Variants in PDRG1 observed in about 807,000 individuals in gnomAD.
The protein encoded by PDRG1 is p53 and DNA damage-regulated protein 1.
Under a neutral mutation model 18.4 loss-of-function variants are expected in PDRG1, and 14 were observed. That is an observed-to-expected ratio of 0.76 (90% confidence interval 0.50 to 1.19). The LOEUF (loss-of-function observed/expected upper bound fraction) is 1.19, where lower values mean the gene tolerates loss of function less well. PDRG1 is among the 50% of genes most tolerant of loss of function. PDRG1 has a pLI of 0.00. For synonymous variants in PDRG1, 65 were observed against 60.9 expected, an observed-to-expected ratio of 1.07 and a Z score of -0.31; for missense variants, 177 against 160.1, an observed-to-expected ratio of 1.11 and a Z score of -0.57.
chr20:31,947,819 G>A (rs1286836591), intron 3 of PDRG1, among the ~76,000 whole-genome samples: 4 of 152,080 alleles, frequency 2.6e-5, no homozygotes, highest in Non-Finnish European at 5.9e-5. Context: ...GAACCTGGGA[G>A]GCAAAGGTTG....
intron 3 of PDRG1, among the ~76,000 whole-genome samples, chr20:31,947,260 T>C (rs1248714508): frequency 6.6e-6 from 1 of 152,184 alleles, no homozygotes; most frequent in East Asian, 1.9e-4. Flanking sequence ...GACTCACTCT[T>C]TCAGATGGGG....
intron 1 of PDRG1, 64 bp downstream of exon 1, chr20:31,951,811 C>T: frequency 6.7e-7 from 1 of 1,495,264 alleles, no homozygotes; most frequent in Non-Finnish European, 8.9e-7. Context: ...CAACTCACTG[C>T]GACCCCGCGC....
At chr20:31,951,222 G>A (rs144593429) in intron 1 of PDRG1, among the ~76,000 whole-genome samples, 140 of 152,144 alleles carry the variant, frequency 9.2e-4, no homozygotes, top group African/African-American at 3.3e-3. Flanking sequence ...ACGGCCTACT[G>A]AGTCTGTCTC....
chr20:31,948,649 C>A (rs1400676405), intron 3 of PDRG1, among the ~76,000 whole-genome samples, 159 bp downstream of exon 3: 1 of 152,148 alleles, frequency 6.6e-6, no homozygotes, highest in Non-Finnish European at 1.5e-5. Context: ...AGGAAATAAC[C>A]CACAGTGGCA....
Position 31,944,371 on chromosome 20 carries a change from A to C in PDRG1, c.*1436T>G, listed in dbSNP as rs2064279241. On this transcript the variant is annotated 3_prime_UTR_variant, in exon 5 of 5. Transcript: ENST00000202017. Reference sequence around the variant, plus strand: ...TTCTGCAACTCCCTACTTTATTTACATTTTAAAATAAGCAATATATTCATA... The same window carrying C: ...TTCTGCAACTCCCTACTTTATTTACCTTTTAAAATAAGCAATATATTCATA... 6.4e-6 allele frequency: 1 copy of C among 156,084 alleles called. No homozygotes were observed. The highest frequency in any genetic ancestry group is 1.4e-5 in the Non-Finnish European group (1 of 70,160). 9.7% of individuals were successfully genotyped at this position (156,084 alleles called of 1,614,324 possible).
In PDRG1 at chr20:31,944,894, T is replaced by A. The variant is rs1285787923; in HGVS notation, c.*913A>T. On this transcript the variant is annotated 3_prime_UTR_variant, in exon 5 of 5. Transcript: ENST00000202017. ...GCAAGAACCATGTTCATAGGTTGTA[T>A]TCTAAATGGAGTGGCGTGCCCTTAC... is the stretch of plus-strand genomic sequence containing the variant. The A allele has an allele frequency of 6.6e-6, 1 of 152,250 alleles. No individual in the cohort carries two copies. Among genetic ancestry groups the A allele is most frequent in the Non-Finnish European group, 1.5e-5 (1 of 68,050 alleles). 9.4% of individuals were successfully genotyped at this position (152,250 alleles called of 1,614,324 possible).
Position 31,944,681 on chromosome 20 carries a change from A to G in PDRG1, c.*1126T>C, listed in dbSNP as rs566337942. 3.3e-5 allele frequency: 5 copies of G among 152,354 alleles called. 1 individual carries two copies. Among genetic ancestry groups the G allele is most frequent in the Non-Finnish European group, 1.5e-5 (1 of 68,036 alleles). 9.4% of individuals were successfully genotyped at this position (152,354 alleles called of 1,614,324 possible). A position where few individuals can be genotyped will look rare whatever the true frequency, so the allele number is the denominator to read the frequency against. On this transcript the variant is annotated 3_prime_UTR_variant, in exon 5 of 5. Transcript: ENST00000202017. Reference sequence around the variant, plus strand: ...TTTCTGCATTAGTCAAAAATATTTAAAAGGAGATTCAACTTCACAACCCAT... The same window carrying G: ...TTTCTGCATTAGTCAAAAATATTTAGAAGGAGATTCAACTTCACAACCCAT...
chr20:31,948,536 C>T (rs1413751571), intron 3 of PDRG1, among the ~76,000 whole-genome samples: 1 of 152,198 alleles, frequency 6.6e-6, no homozygotes, highest in East Asian at 1.9e-4. Flanking sequence ...ATCTGCAGCC[C>T]AACTGATTCC....
intron 2 of PDRG1, among the ~76,000 whole-genome samples, chr20:31,949,777 A>G (rs572909719): frequency 1.3e-5 from 2 of 152,214 alleles, no homozygotes; most frequent in East Asian, 3.9e-4. Context: ...GTGTACTTTC[A>G]ACAAAATGTA....
Position 31,945,673 on chromosome 20 carries a change from G to T in PDRG1, c.*134C>A. 1.5e-6 allele frequency: 1 copy of T among 658,572 alleles called. No individual in the cohort carries two copies. The highest frequency in any genetic ancestry group is 2.5e-6 in the Non-Finnish European group (1 of 394,388). 40.8% of individuals were successfully genotyped at this position (658,572 alleles called of 1,614,324 possible). On this transcript the variant is annotated 3_prime_UTR_variant, in exon 5 of 5. Transcript: ENST00000202017. ...ACAGAGTAGCCAAGCACTACAAAGA[G>T]GTTTTCATGGCCAGATTCCTGACGG... is the stretch of plus-strand genomic sequence containing the variant.
At chr20:31,949,183 TGA>T (rs376037881) in intron 2 of PDRG1, among the ~76,000 whole-genome samples, 105 of 152,112 alleles carry the variant, frequency 6.9e-4, no homozygotes, top group African/African-American at 2.5e-3. Context: ...CTAAGGAAAG[TGA>T]GAGTGTGAGC....
At position 31,951,497 on chromosome 20, in the gene PDRG1, A is replaced by C. The variant is rs543933822; in HGVS notation, c.87+378T>G. ...CATAAACAGGGCGCCACCTTCCCCC[A>C]CGTCCCCACCCCTGCCCGGTCACAA... On this transcript the variant is annotated intron_variant, in intron 1 of 4. Transcript: ENST00000202017. Among the ~76,000 whole-genome samples the C allele has an allele frequency of 5.3e-5, 8 of 151,822 alleles. No homozygotes were observed. In the South Asian group the frequency reaches 1.7e-3, roughly 32 times the overall value.
chr20:31,948,922 TG>T, intron 2 of PDRG1, 40 bp from the exon 3 acceptor site: 1 of 1,575,332 alleles, frequency 6.3e-7, no homozygotes, highest in South Asian at 1.1e-5. Context: ...AATTTTTTTT[TG>T]AGTACCTATT....
Position 31,945,889 on chromosome 20 carries a change from C to T in PDRG1, c.320G>A (p.Gly107Asp). 6 of 1,612,902 alleles carry T rather than the reference C, an allele frequency of 3.7e-6. No individual in the cohort carries two copies. The highest frequency in any genetic ancestry group is 1.1e-5 in the South Asian group (1 of 90,980). ...VKVNRLFEAQGKPELKGFNLN... is the reference protein window; with the variant it reads ...VKVNRLFEAQDKPELKGFNLN... ...GTTAAAACCCTTCAGCTCCGGTTTGCCTAGGAGAGAAGATGATCCATCAGC... is the reference window on the plus strand; with the variant it reads ...GTTAAAACCCTTCAGCTCCGGTTTGTCTAGGAGAGAAGATGATCCATCAGC... The change falls in exon 5 of 5, where the codon GGC (glycine) becomes GAC (aspartate). Residue 107 changes from glycine (G) to aspartate (D), a missense_variant and splice_region_variant. Gly to Asp is a moderately conservative substitution (Grantham distance 94). Coordinates refer to ENST00000202017, the MANE Select transcript of PDRG1 (RefSeq NM_030815.3).
At position 31,946,589 on chromosome 20, in the gene PDRG1, G is replaced by T. The variant is rs368914066; in HGVS notation, c.239-13C>A. 1.3e-6 allele frequency: 2 copies of T among 1,598,336 alleles called. No individual in the cohort carries two copies. The highest frequency in any genetic ancestry group is 1.7e-5 in the Admixed American group (1 of 59,986). On this transcript the variant is annotated splice_polypyrimidine_tract_variant and intron_variant, in intron 3 of 4. Transcript: ENST00000202017. ...AGATGATCTTGATCTGAAAAAATGA[G>T]GGGGGCAAGCAGAGGATAAGATTGT...
intron 2 of PDRG1, among the ~76,000 whole-genome samples, chr20:31,949,223 C>T (rs1290279421): frequency 6.6e-6 from 1 of 151,928 alleles, no homozygotes; most frequent in East Asian, 1.9e-4. Context: ...AAAGAGTGAG[C>T]CAAACAGAGG....
intron 1 of PDRG1, 41 bp downstream of exon 1, chr20:31,951,834 C>T (rs780450031): frequency 1.7e-4 from 261 of 1,525,222 alleles, no homozygotes; most frequent in Non-Finnish European, 2.2e-4. Flanking sequence ...TTTCCCACGG[C>T]GCCGGCCGCC....
intron 3 of PDRG1, among the ~76,000 whole-genome samples, 159 bp from the exon 4 acceptor site, chr20:31,946,735 G>T (rs2064321710): frequency 1.3e-5 from 2 of 152,142 alleles, no homozygotes; most frequent in African/African-American, 4.8e-5. Context: ...GTCTAGAAGG[G>T]ACATGACCTG....
chr20:31,949,407 A>G (rs2064338389), intron 2 of PDRG1, among the ~76,000 whole-genome samples: 1 of 152,196 alleles, frequency 6.6e-6, no homozygotes, highest in Non-Finnish European at 1.5e-5. Context: ...CGCTGTATCT[A>G]TTAAAAATAC....
Sources: allele counts gnomAD v4.1 joint callset (sites outside exome capture counted in the v4.1 genomes callset), GRCh38; gene constraint gnomAD v4.1.1; transcripts MANE v1.5; gene names NCBI Gene and HGNC (gene_info 2026-07-23, HGNC 2026-07-21).